ST8SIA5: variants seen among roughly 807,000 people sequenced by gnomAD.
The protein encoded by ST8SIA5 is ST8 alpha-N-acetyl-neuraminide alpha-2,8-sialyltransferase 5.
ST8SIA5 carries 24 observed loss-of-function variants against 40.2 expected under a neutral mutation model. The observed-to-expected ratio is 0.60, with a 90% confidence interval of 0.43 to 0.84. The LOEUF (loss-of-function observed/expected upper bound fraction) is 0.84, where lower values mean the gene tolerates loss of function less well. ST8SIA5 is among the 40% of genes least tolerant of loss of function. The probability of loss-of-function intolerance (pLI) is 0.00; values close to 1 mark genes in which losing one functional copy is unlikely to be tolerated. For synonymous variants in ST8SIA5, 198 were observed against 201.8 expected (o/e 0.98, Z 0.16); for missense variants, 465 against 498.5 (o/e 0.93, Z 0.64).
At chr18:46,724,493 A>G (rs1490170375) in intron 1 of ST8SIA5, among the ~76,000 whole-genome samples, 1 of 152,240 alleles carries the variant, frequency 6.6e-6, no homozygotes, top group African/African-American at 2.4e-5. Context: ...GTTCTGATTC[A>G]ATAGTTATTC....
At chr18:46,709,059 T>C (rs1335338194) in intron 1 of ST8SIA5, among the ~76,000 whole-genome samples, 2 of 152,186 alleles carry the variant, frequency 1.3e-5, no homozygotes, top group Non-Finnish European at 2.9e-5. Context: ...GCTTTTTTGG[T>C]CCGTACTGCT....
Position 46,680,256 on chromosome 18 carries a change from A to G in ST8SIA5, c.917T>C (p.Val306Ala). The G allele has an allele frequency of 6.2e-7, 1 of 1,614,210 alleles. No homozygotes were observed. Among genetic ancestry groups the G allele is most frequent in the South Asian group, 1.1e-5 (1 of 91,088 alleles). The change falls in exon 7 of 7, where the codon GTC becomes GCC. Residue 306 changes from valine (V) to alanine (A), a missense_variant. Transcript: ENST00000315087. ...AKRISTGLIL[V>A]TAALELCEEV... ...CTCACAGAGCTCCAGCGCCGCAGTG[A>G]CCAGAATGAGGCCGGTGCTGATGCG...
chr18:46,692,030 G>A lies in ST8SIA5; in HGVS notation c.311+139C>T, dbSNP rs190250496. The A allele has an allele frequency of 8.9e-5, 74 of 829,364 alleles. No individual in the cohort carries two copies. In the African/African-American group the frequency reaches 9.2e-4, roughly 10 times the overall value. The allele number at this position is 829,364 out of a possible 1,614,324, so 51.4% of individuals were successfully genotyped here. ...TTGAATCAGATCTCCCCCACTGCCC[G>A]GATTCCTAAGCCCAGTCAGGGTCTG... On this transcript the variant is annotated intron_variant, in intron 3 of 6. Transcript: ENST00000315087.
In ST8SIA5 at chr18:46,730,603, C is replaced by A. The variant is rs1053801674; in HGVS notation, c.131+25775G>T. ...GGCCTGGCACTTTGGGAGGCCAAGG[C>A]AGGGGGATAGCTTGAGCTCAGGAGT... On this transcript the variant is annotated intron_variant, in intron 1 of 6. Transcript: ENST00000315087. Among the ~76,000 whole-genome samples the A allele has an allele frequency of 9.9e-5, 15 of 152,140 alleles. 1 individual carries two copies. The Middle Eastern group carries it at 0.014, about 138-fold the overall frequency.
Position 46,688,808 on chromosome 18 carries a change from G to A in ST8SIA5, c.423C>T (p.His141=), listed in dbSNP as rs2144474386. ...KYEVDTSGIY[H]INQEIFRMFP... ...ACATGCGGAAGATCTCCTGGTTGAT[G>A]TGGTAGATGCCACTGGTGTCCACCT... The change falls in exon 4 of 7, where the codon CAC becomes CAT. Residue 141 remains histidine, a synonymous_variant. Coordinates refer to ENST00000315087, the MANE Select transcript of ST8SIA5 (RefSeq NM_013305.6). 1.2e-6 allele frequency: 2 copies of A among 1,613,752 alleles called. No homozygotes were observed. Among genetic ancestry groups the A allele is most frequent in the East Asian group, 2.2e-5 (1 of 44,816 alleles).
intron 6 of ST8SIA5, among the ~76,000 whole-genome samples, chr18:46,681,149 T>A (rs72915488): frequency 0.01 from 1,578 of 152,084 alleles, 9 homozygotes; most frequent in Non-Finnish European, 0.016. Context: ...TTTTTTTTTT[T>A]AATTTTTTGT....
intron 6 of ST8SIA5, 38 bp from the exon 7 acceptor site, chr18:46,680,548 T>A (rs2039383982): frequency 2.6e-6 from 4 of 1,515,172 alleles, no homozygotes; most frequent in Admixed American, 3.9e-5. Context: ...CACCCACTCC[T>A]CCGTGCCCTC....
chr18:46,721,134 G>A (rs953849253), intron 1 of ST8SIA5, among the ~76,000 whole-genome samples: 2 of 152,126 alleles, frequency 1.3e-5, no homozygotes, highest in Non-Finnish European at 2.9e-5. Context: ...CTGATAGAAG[G>A]GGCCAGTGAA....
chr18:46,717,469 G>C (rs780535840), intron 1 of ST8SIA5, among the ~76,000 whole-genome samples: 31 of 152,136 alleles, frequency 2.0e-4, no homozygotes, highest in Non-Finnish European at 3.7e-4. Context: ...CCGAGTAGCT[G>C]GGATTACAGA....
At chr18:46,710,371 C>CTTTCTTT (rs2039713057) in intron 1 of ST8SIA5, among the ~76,000 whole-genome samples, 1 of 37,654 alleles carries the variant, frequency 2.7e-5, no homozygotes, top group Admixed American at 3.7e-4. Context: ...TCTTTTCTTT[C>CTTTCTTT]TTTCTTTCTT....
chr18:46,748,160 T>C (rs1188089825), intron 1 of ST8SIA5, among the ~76,000 whole-genome samples: 1 of 152,156 alleles, frequency 6.6e-6, no homozygotes, highest in East Asian at 1.9e-4. Flanking sequence ...ACATGGCACA[T>C]GTATACATAT....
chr18:46,728,823 C>T (rs1490379531), intron 1 of ST8SIA5, among the ~76,000 whole-genome samples: 1 of 152,148 alleles, frequency 6.6e-6, no homozygotes, highest in Non-Finnish European at 1.5e-5. Context: ...AGATGGTCTC[C>T]TAGGTCTTCA....
intron 2 of ST8SIA5, among the ~76,000 whole-genome samples, chr18:46,698,130 C>T (rs2039574639): frequency 6.7e-6 from 1 of 150,334 alleles, no homozygotes; most frequent in Admixed American, 6.6e-5. Context: ...ACCCAACACA[C>T]CAGCAATCAA....
chr18:46,680,884 A>G (rs1426324623), intron 6 of ST8SIA5, among the ~76,000 whole-genome samples: 1 of 152,166 alleles, frequency 6.6e-6, no homozygotes, highest in African/African-American at 2.4e-5. Context: ...GTCATCCCCA[A>G]GCTCCCCAGG....
intron 2 of ST8SIA5, among the ~76,000 whole-genome samples, chr18:46,695,179 C>G (rs981682903): frequency 1.4e-5 from 2 of 147,056 alleles, no homozygotes; most frequent in Non-Finnish European, 3.0e-5. Flanking sequence ...AAAAAAAAAC[C>G]CTTTTTAAAA....
chr18:46,722,797 C>T (rs999656931), intron 1 of ST8SIA5, among the ~76,000 whole-genome samples: 36 of 152,212 alleles, frequency 2.4e-4, no homozygotes, highest in African/African-American at 8.0e-4. Flanking sequence ...AGTTGAGAAT[C>T]GCTGTCTATA....
intron 1 of ST8SIA5, among the ~76,000 whole-genome samples, chr18:46,729,714 C>T (rs1366618929): frequency 6.6e-6 from 1 of 152,246 alleles, no homozygotes; most frequent in Non-Finnish European, 1.5e-5. Flanking sequence ...ACCCATTAAC[C>T]TGTCACTAAG....
intron 1 of ST8SIA5, among the ~76,000 whole-genome samples, chr18:46,737,283 C>T (rs1018690772): frequency 2.0e-5 from 3 of 152,288 alleles, no homozygotes; most frequent in South Asian, 2.1e-4. Context: ...ATTGCTGTCT[C>T]CTCTGAAACC....
intron 1 of ST8SIA5, among the ~76,000 whole-genome samples, chr18:46,748,026 A>C (rs12956659): frequency 1.5e-4 from 22 of 151,168 alleles, no homozygotes; most frequent in Admixed American, 5.9e-4. Flanking sequence ...AACAATGAGA[A>C]CACTTGGACA....
Sources: gnomAD v4.1 joint callset for allele counts (sites outside exome capture counted in the v4.1 genomes callset) on GRCh38, gnomAD v4.1.1 for gene constraint, MANE v1.5 for transcripts, NCBI Gene and HGNC (gene_info 2026-07-23, HGNC 2026-07-21) for gene names.